Variants in VPS13B observed in about 807,000 individuals in gnomAD.
The protein encoded by VPS13B is intermembrane lipid transfer protein VPS13B.
In VPS13B, 285 loss-of-function variants were observed where a neutral mutation model predicts 426.4. The observed-to-expected ratio is 0.67, with a 90% CI of 0.61 to 0.74. The LOEUF (loss-of-function observed/expected upper bound fraction) is 0.74, where lower values mean the gene tolerates loss of function less well. Ranked by LOEUF, VPS13B falls within the 30% of genes least tolerant of loss-of-function variation. The pLI is 0.00. For synonymous variants in VPS13B, 1,676 were observed against 1,676.4 expected (o/e 1.00, Z 0.01); for missense variants, 4,537 against 4,782.6 (o/e 0.95, Z 1.51).
chr8:99,413,234 G>A (rs994161329), intron 21 of VPS13B, among the ~76,000 whole-genome samples: 2 of 152,048 alleles, frequency 1.3e-5, no homozygotes, highest in Non-Finnish European at 2.9e-5. Context: ...CTCAATTTCA[G>A]AACTTATTAT....
chr8:99,291,567 GGT>G (rs1280581060), intron 19 of VPS13B, among the ~76,000 whole-genome samples: 2 of 152,052 alleles, frequency 1.3e-5, no homozygotes, highest in Non-Finnish European at 2.9e-5. Flanking sequence ...ACAGGGCCCT[GGT>G]CAAGTAGTCT....
At chr8:99,831,787 G>C (rs1815077316) in intron 51 of VPS13B, among the ~76,000 whole-genome samples, 1 of 152,150 alleles carries the variant, frequency 6.6e-6, no homozygotes, top group Admixed American at 6.5e-5. Flanking sequence ...CTGTAGGATG[G>C]CACGGTTATA....
intron 17 of VPS13B, among the ~76,000 whole-genome samples, chr8:99,241,679 TTA>T (rs1816939635): frequency 6.6e-6 from 1 of 152,214 alleles, no homozygotes; most frequent in East Asian, 1.9e-4. Flanking sequence ...GAAAAGCCAG[TTA>T]TTCAAAAGAA....
chr8:99,856,055 G>A (rs1451645029), intron 56 of VPS13B, among the ~76,000 whole-genome samples: 1 of 152,254 alleles, frequency 6.6e-6, no homozygotes, highest in East Asian at 1.9e-4. Context: ...CAGCAGTGCA[G>A]TAAGCAGCAG....
intron 17 of VPS13B, among the ~76,000 whole-genome samples, chr8:99,249,354 G>A (rs1817383760): frequency 6.6e-6 from 1 of 150,918 alleles, no homozygotes; most frequent in Non-Finnish European, 1.5e-5. Context: ...AAGTTTTTGT[G>A]TGAACATGCA....
At chr8:99,047,748 T>C (rs866921514) in intron 3 of VPS13B, among the ~76,000 whole-genome samples, 2 of 152,078 alleles carry the variant, frequency 1.3e-5, no homozygotes, top group Admixed American at 6.6e-5. Context: ...AGTGCAGTGG[T>C]GCGATCTTGG....
At chr8:99,591,888 A>G (rs553108902) in intron 33 of VPS13B, among the ~76,000 whole-genome samples, 1 of 152,108 alleles carries the variant, frequency 6.6e-6, no homozygotes, top group South Asian at 2.1e-4. Context: ...CCTGAATTTG[A>G]ATGTTGGCCT....
intron 30 of VPS13B, among the ~76,000 whole-genome samples, chr8:99,532,443 C>T (rs566059085): frequency 6.6e-6 from 1 of 152,184 alleles, no homozygotes; most frequent in South Asian, 2.1e-4. Flanking sequence ...AAGGTGTACC[C>T]TGTTCTGTGG....
intron 58 of VPS13B, among the ~76,000 whole-genome samples, chr8:99,864,906 T>C (rs1030340360): frequency 7.2e-5 from 11 of 152,154 alleles, no homozygotes; most frequent in Non-Finnish European, 1.5e-4. Context: ...ACTGAACAAT[T>C]GCAAGTTCCA....
At chr8:99,260,637 A>G (rs1228920837) in intron 17 of VPS13B, among the ~76,000 whole-genome samples, 1 of 151,988 alleles carries the variant, frequency 6.6e-6, no homozygotes, top group Non-Finnish European at 1.5e-5. Flanking sequence ...GAGGATCACT[A>G]GATTGGATTG....
At chr8:99,038,201 C>T (rs1842829583) in intron 2 of VPS13B, among the ~76,000 whole-genome samples, 1 of 152,022 alleles carries the variant, frequency 6.6e-6, no homozygotes, top group Non-Finnish European at 1.5e-5. Flanking sequence ...TTTGATGCTA[C>T]TTTTTGATAA....
rs1244202299 is a variant in VPS13B, at chr8:99,819,447, T to C, written c.8657T>C (p.Ile2886Thr). The C allele has an allele frequency of 1.9e-6, 3 of 1,613,902 alleles. No homozygotes were observed. The highest frequency in any genetic ancestry group is 2.5e-6 in the Non-Finnish European group (3 of 1,179,844). Residue 2886 changes from isoleucine (I) to threonine (T), a missense_variant, in exon 48 of 62, where the codon ATC becomes ACC. Transcript: ENST00000357162. Reference sequence around the variant, plus strand: ...GATCCTTCAGATTGTGCAGTTCCCATCTCAACATCCCTCATTAAGCAAATA... The same window carrying C: ...GATCCTTCAGATTGTGCAGTTCCCACCTCAACATCCCTCATTAAGCAAATA... ...EYDPSDCAVPISTSLIKQIAT... is the reference protein window; with the variant it reads ...EYDPSDCAVPTSTSLIKQIAT...
At chr8:99,562,288 C>CA (rs1218683076) in intron 31 of VPS13B, among the ~76,000 whole-genome samples, 2 of 151,898 alleles carry the variant, frequency 1.3e-5, no homozygotes, top group Middle Eastern at 3.4e-3. Context: ...ATCCCCACCC[C>CA]ACGCTTTTTT....
chr8:99,592,257 G>A (rs577966277), intron 33 of VPS13B, among the ~76,000 whole-genome samples: 4 of 152,000 alleles, frequency 2.6e-5, no homozygotes, highest in South Asian at 4.2e-4. Context: ...CGATGCATTC[G>A]AACATCCTCC....
intron 21 of VPS13B, among the ~76,000 whole-genome samples, chr8:99,429,164 A>G (rs1333034345): frequency 6.6e-6 from 1 of 152,110 alleles, no homozygotes; most frequent in African/African-American, 2.4e-5. Context: ...TAGCATTTGG[A>G]GATATACCTA....
intron 19 of VPS13B, among the ~76,000 whole-genome samples, chr8:99,370,820 G>A (rs1359654588): frequency 6.6e-6 from 1 of 151,940 alleles, no homozygotes; most frequent in Non-Finnish European, 1.5e-5. Flanking sequence ...ATTTTGGCCA[G>A]GCTGGTCTCG....
intron 30 of VPS13B, among the ~76,000 whole-genome samples, chr8:99,544,715 CT>C (rs1313600645): frequency 6.0e-5 from 8 of 134,360 alleles, no homozygotes; most frequent in African/African-American, 2.3e-4. Context: ...AACAATAAAC[CT>C]TTACAAGCAT....
intron 33 of VPS13B, among the ~76,000 whole-genome samples, chr8:99,634,745 T>C (rs1324804752): frequency 1.3e-5 from 2 of 151,962 alleles, no homozygotes; most frequent in African/African-American, 4.8e-5. Context: ...AAAAATAACA[T>C]TAATTGGTGA....
chr8:99,580,605 A>C (rs1706610143), intron 33 of VPS13B, among the ~76,000 whole-genome samples: 1 of 152,052 alleles, frequency 6.6e-6, no homozygotes, highest in Admixed American at 6.6e-5. Flanking sequence ...TAAGTCCAAC[A>C]CTGGGAGGCT....
Sources: allele counts gnomAD v4.1 joint callset (sites outside exome capture counted in the v4.1 genomes callset), GRCh38; gene constraint gnomAD v4.1.1; transcripts MANE v1.5; gene names NCBI Gene and HGNC (gene_info 2026-07-23, HGNC 2026-07-21).